SLC4A4: variants seen among roughly 807,000 people sequenced by gnomAD.
The protein encoded by SLC4A4 is solute carrier family 4 member 4.
In SLC4A4, 27 loss-of-function variants were observed where a neutral mutation model predicts 111.5. The ratio of observed to expected loss-of-function variants is 0.24; its 90% CI spans 0.18 to 0.33. The LOEUF (loss-of-function observed/expected upper bound fraction) is 0.33, where lower values mean the gene tolerates loss of function less well. SLC4A4 is among the 10% of genes least tolerant of loss of function. The pLI, the probability that SLC4A4 is intolerant of heterozygous loss-of-function variation, is 1.00. For synonymous variants in SLC4A4, 443 were observed against 463.4 expected (o/e 0.96, Z 0.57); for missense variants, 909 against 1,315.5 (o/e 0.69, Z 4.78).
chr4:71,511,616 A>C (rs76791764), intron 16 of SLC4A4, among the ~76,000 whole-genome samples: 12 of 152,210 alleles, frequency 7.9e-5, no homozygotes, highest in Non-Finnish European at 1.2e-4. Flanking sequence ...TTATATGTGT[A>C]TAACAAAAGG....
At chr4:71,134,280 G>C (rs1743786619) in intron 2 of SLC4A4, among the ~76,000 whole-genome samples, 1 of 152,106 alleles carries the variant, frequency 6.6e-6, no homozygotes, top group African/African-American at 2.4e-5. Context: ...CTGGGCCAGG[G>C]GTATATTCTC....
At chr4:71,240,057 A>G (rs901319968) in intron 2 of SLC4A4, among the ~76,000 whole-genome samples, 16 of 152,212 alleles carry the variant, frequency 1.1e-4, no homozygotes, top group Admixed American at 7.9e-4. Context: ...TTTCAAACAT[A>G]GATGGGGGAA....
At chr4:71,381,996 G>A (rs1718185485) in intron 6 of SLC4A4, among the ~76,000 whole-genome samples, 1 of 152,140 alleles carries the variant, frequency 6.6e-6, no homozygotes, top group Admixed American at 6.5e-5. Flanking sequence ...TCTAGACATG[G>A]CCATAGGAGT....
At chr4:71,224,346 G>A (rs1021104544) in intron 1 of SLC4A4, among the ~76,000 whole-genome samples, 1 of 152,146 alleles carries the variant, frequency 6.6e-6, no homozygotes, top group Admixed American at 6.5e-5. Context: ...AAGATATTTG[G>A]AGAGTTTTAA....
At chr4:71,420,639 A>G (rs1425606070) in intron 7 of SLC4A4, among the ~76,000 whole-genome samples, 2 of 152,150 alleles carry the variant, frequency 1.3e-5, no homozygotes, top group African/African-American at 4.8e-5. Flanking sequence ...CGGATCTCTC[A>G]TCAGAAACCC....
In SLC4A4 at chr4:71,151,337, A is replaced by G. The variant is rs150146454; in HGVS notation, c.-2+58545A>G. On this transcript the variant is annotated intron_variant, in intron 2 of 26. Coordinates refer to the SLC4A4 transcript ENST00000649996. ...CTATATCAACGGTAGGTTTTGCCCT[A>G]CTTCTTTAGAGTACTGGCCTGAAGG... Among the ~76,000 whole-genome samples the G allele has an allele frequency of 7.9e-5, 12 of 152,190 alleles. 1 individual carries two copies. The East Asian group carries it at 1.9e-3, about 25-fold the overall frequency.
rs553707678 is a variant in SLC4A4 at position 71,404,452 on chromosome 4, T to C, written c.807+6799T>C. ...TGTATTCAACATTTAACCAAAGAAATTGTAGCTATTGCATATCTTAATAAA... is the reference window on the plus strand; with the variant it reads ...TGTATTCAACATTTAACCAAAGAAACTGTAGCTATTGCATATCTTAATAAA... On this transcript the variant is annotated intron_variant, in intron 7 of 25. Transcript: ENST00000264485. 6.3e-4 allele frequency among the ~76,000 whole-genome samples: 96 copies of C among 152,338 alleles called. 1 individual carries two copies. The South Asian group carries it at 0.017, about 27-fold the overall frequency.
intron 12 of SLC4A4, among the ~76,000 whole-genome samples, chr4:71,461,498 G>A (rs1444104824): frequency 6.6e-6 from 1 of 152,132 alleles, no homozygotes; most frequent in Non-Finnish European, 1.5e-5. Context: ...ATAAATCCAA[G>A]TTGACAGCAT....
intron 2 of SLC4A4, among the ~76,000 whole-genome samples, chr4:71,108,009 T>A (rs781130314): frequency 3.3e-5 from 5 of 152,202 alleles, no homozygotes; most frequent in African/African-American, 9.6e-5. Context: ...AACACTCTAA[T>A]TTAAATTTAT....
intron 3 of SLC4A4, chr4:71,300,520 C>T: frequency 4.0e-6 from 1 of 248,124 alleles, no homozygotes. Flanking sequence ...TGGGCCGGGG[C>T]CACTAGCGGC....
chr4:71,389,640 T>A (rs1291296561), intron 6 of SLC4A4, among the ~76,000 whole-genome samples: 1 of 152,232 alleles, frequency 6.6e-6, no homozygotes, highest in East Asian at 1.9e-4. Flanking sequence ...ACTCTAAGGC[T>A]GTCCAAGTCT....
chr4:71,366,523 G>A (rs549583313), intron 6 of SLC4A4, among the ~76,000 whole-genome samples: 5 of 151,914 alleles, frequency 3.3e-5, no homozygotes, highest in Admixed American at 2.6e-4. Flanking sequence ...AAAAGCCTTC[G>A]GAGCTATATC....
chr4:71,113,900 CA>C (rs1428850331), intron 2 of SLC4A4, among the ~76,000 whole-genome samples: 2 of 152,136 alleles, frequency 1.3e-5, no homozygotes, highest in Non-Finnish European at 2.9e-5. Context: ...TTTCTATAAA[CA>C]AAGTAATTAG....
chr4:71,386,774 T>A (rs942661740), intron 6 of SLC4A4, among the ~76,000 whole-genome samples: 50 of 152,340 alleles, frequency 3.3e-4, no homozygotes, highest in African/African-American at 1.2e-3. Context: ...TGATATTTCT[T>A]TTTTGGAATT....
At chr4:71,369,226 G>A (rs1243651484) in intron 6 of SLC4A4, among the ~76,000 whole-genome samples, 4 of 152,220 alleles carry the variant, frequency 2.6e-5, no homozygotes, top group African/African-American at 9.7e-5. Flanking sequence ...TTACTGAGTG[G>A]AGGGAAACCT....
At chr4:71,205,560 T>G (rs1560778658) in intron 1 of SLC4A4, among the ~76,000 whole-genome samples, 1 of 152,152 alleles carries the variant, frequency 6.6e-6, no homozygotes, top group Non-Finnish European at 1.5e-5. Context: ...TATATATTTA[T>G]TTTTTTCTGG....
chr4:71,171,197 CA>C (rs761633545), intron 2 of SLC4A4, among the ~76,000 whole-genome samples: 1 of 151,080 alleles, frequency 6.6e-6, no homozygotes, highest in Non-Finnish European at 1.5e-5. Context: ...GGAGGTTCAT[CA>C]AAACAGTGCT....
Position 71,353,717 on chromosome 4 carries a change from G to A in SLC4A4, c.551-3291G>A, listed in dbSNP as rs73826282. ...TAAATCTTAAGATGCATCTCCCCCC[G>A]CACCCCAATTTTATATCAACAAATG... is the stretch of plus-strand genomic sequence containing the variant. On this transcript the variant is annotated intron_variant, in intron 5 of 25. Coordinates refer to ENST00000264485, the MANE Select transcript of SLC4A4 (RefSeq NM_001098484.3). 7.9e-3 allele frequency among the ~76,000 whole-genome samples: 1,207 copies of A among 151,944 alleles called. 17 individuals carry two copies. The highest frequency in any genetic ancestry group is 0.026 in the African/African-American group (1,067 of 41,436).
At chr4:71,414,147 T>G (rs781710999) in intron 7 of SLC4A4, among the ~76,000 whole-genome samples, 3 of 152,278 alleles carry the variant, frequency 2.0e-5, no homozygotes, top group Non-Finnish European at 4.4e-5. Flanking sequence ...GGACAAAAAG[T>G]TGTGTGTAAT....
Sources: allele counts gnomAD v4.1 joint callset (sites outside exome capture counted in the v4.1 genomes callset), GRCh38; gene constraint gnomAD v4.1.1; transcripts MANE v1.5; gene names NCBI Gene and HGNC (gene_info 2026-07-23, HGNC 2026-07-21).